PRKN: variants seen among roughly 807,000 people sequenced by gnomAD.
PRKN encodes the protein E3 ubiquitin-protein ligase parkin.
A neutral mutation model predicts 59.5 loss-of-function variants in PRKN; 56 were observed. The observed-to-expected ratio is 0.94, with a 90% CI of 0.76 to 1.18. PRKN has a LOEUF of 1.18. PRKN is among the 50% of genes most tolerant of loss of function. The probability of loss-of-function intolerance (pLI) is 0.00; values close to 1 mark genes in which losing one functional copy is unlikely to be tolerated. For missense variants in PRKN, 657 were observed against 596.4 expected, an observed-to-expected ratio of 1.10 and a Z score of -1.06; for synonymous variants, 250 against 222.1, an observed-to-expected ratio of 1.13 and a Z score of -1.12.
rs1784682140 is a variant in PRKN at position 161,354,603 on chromosome 6, T to TA, written c.1286-4393dup. 6.6e-6 allele frequency among the ~76,000 whole-genome samples: 1 copy of TA among 152,104 alleles called. No homozygotes were observed. Among genetic ancestry groups the TA allele is most frequent in the Non-Finnish European group, 1.5e-5 (1 of 68,034 alleles). ...AAAGTACCAGGGTTTAGCCTGTGCT[T>TA]AAAATGGAAATTCCTCGCATTCTCA... On this transcript the variant is annotated intron_variant, in intron 11 of 11. Transcript: ENST00000366898. This position sits in a 1 kb window ranked among gnomAD's most constrained non-coding sequence, Gnocchi z 6.7.
At chr6:161,381,623 T>C (rs995108694) in intron 10 of PRKN, among the ~76,000 whole-genome samples, 1 of 152,166 alleles carries the variant, frequency 6.6e-6, no homozygotes, top group African/African-American at 2.4e-5. Context: ...ATTCAAAAGA[T>C]TACTGAGACA....
rs1165510528 is a variant in PRKN, at chr6:161,529,058, A to G, written c.1083+19796T>C. The stretch of plus-strand genomic sequence containing the variant: ...TCTTGTTTGAATATCTTAATTTAGG[A>G]GTCTGCTACTTAAAACAGCTGTCTT... On this transcript the variant is annotated intron_variant, in intron 9 of 11. Coordinates refer to ENST00000366898, the MANE Select transcript of PRKN (RefSeq NM_004562.3). The surrounding 1 kb of genome is among the most constrained non-coding windows in gnomAD (Gnocchi z 4.4). Among the ~76,000 whole-genome samples the G allele has an allele frequency of 6.6e-6, 1 of 152,156 alleles. No homozygotes were observed. The highest frequency in any genetic ancestry group is 1.5e-5 in the Non-Finnish European group (1 of 68,012).
In PRKN at chr6:161,587,049, T is replaced by C. The variant is rs540063856; in HGVS notation, c.872-17633A>G. Among the ~76,000 whole-genome samples the C allele has an allele frequency of 2.6e-5, 4 of 152,328 alleles. No homozygotes were observed. In the South Asian group the frequency reaches 8.3e-4, roughly 32 times the overall value. ...TTACCGCTATTGAGGGGCCTTAAAA[T>C]AGCTCTGCTATCAGAACTCACTAAT... On this transcript the variant is annotated intron_variant, in intron 7 of 11. Transcript: ENST00000366898.
intron 7 of PRKN, among the ~76,000 whole-genome samples, chr6:161,587,789 C>T (rs539322286): frequency 9.2e-5 from 14 of 152,200 alleles, no homozygotes; most frequent in South Asian, 2.1e-4. Flanking sequence ...TTTTATTCCT[C>T]TCATTCTTGT....
At chr6:162,494,976 C>T (rs372732467) in intron 1 of PRKN, among the ~76,000 whole-genome samples, 22 of 149,440 alleles carry the variant, frequency 1.5e-4, no homozygotes, top group East Asian at 5.8e-4. Context: ...CCAAAAAGAA[C>T]GATACCAAAC....
intron 1 of PRKN, among the ~76,000 whole-genome samples, chr6:162,586,906 C>T (rs892359997): frequency 4.6e-5 from 7 of 152,086 alleles, no homozygotes; most frequent in Non-Finnish European, 5.9e-5. Flanking sequence ...CTTACATGCC[C>T]GTGATAGGCA....
At chr6:162,337,687 C>T (rs1239676734) in intron 2 of PRKN, among the ~76,000 whole-genome samples, 2 of 152,166 alleles carry the variant, frequency 1.3e-5, no homozygotes, top group Middle Eastern at 3.2e-3. Flanking sequence ...TCCTCCTTGG[C>T]CCCATACGGG....
At chr6:162,030,660 G>C (rs543370661) in intron 5 of PRKN, among the ~76,000 whole-genome samples, 1 of 152,294 alleles carries the variant, frequency 6.6e-6, no homozygotes, top group South Asian at 2.1e-4. Flanking sequence ...CTCTGAGTCT[G>C]AGAATCATTG....
chr6:162,257,342 T>A lies in PRKN; in HGVS notation c.412+5183A>T, dbSNP rs567633463. 6.6e-4 allele frequency among the ~76,000 whole-genome samples: 100 copies of A among 152,192 alleles called. 1 individual carries two copies. The highest frequency in any genetic ancestry group is 2.0e-3 in the African/African-American group (82 of 41,530). On this transcript the variant is annotated intron_variant, in intron 3 of 11. Transcript: ENST00000366898. ...AAAGCAAAAAATTCTGAAAAAGTAG[T>A]ATACCTTGTGATATAGTTTTAAAAT... is the stretch of plus-strand genomic sequence containing the variant.
intron 6 of PRKN, among the ~76,000 whole-genome samples, chr6:161,952,377 G>T (rs1024762173): frequency 6.6e-6 from 1 of 152,134 alleles, no homozygotes; most frequent in Non-Finnish European, 1.5e-5. Flanking sequence ...CAGCACTTTG[G>T]GAAGCCAAGG....
chr6:162,097,325 T>C (rs555487779), intron 4 of PRKN, among the ~76,000 whole-genome samples: 19 of 152,338 alleles, frequency 1.2e-4, no homozygotes, highest in African/African-American at 4.1e-4. Flanking sequence ...ATTATGTGTC[T>C]TGTGTTCAAG....
intron 6 of PRKN, among the ~76,000 whole-genome samples, chr6:161,897,911 G>A (rs1406622497): frequency 8.8e-5 from 11 of 125,056 alleles, no homozygotes; most frequent in Admixed American, 9.6e-5. Flanking sequence ...AGCTTGCAGT[G>A]AGCTGAGATC....
Position 162,142,774 on chromosome 6 carries a change from T to C in PRKN, c.534+58357A>G, listed in dbSNP as rs541061566. Among the ~76,000 whole-genome samples, 11 of 152,332 alleles carry C rather than the reference T, an allele frequency of 7.2e-5. 1 individual carries two copies. The highest frequency in any genetic ancestry group is 7.2e-4 in the Admixed American group (11 of 15,298). On this transcript the variant is annotated intron_variant, in intron 4 of 11. Transcript: ENST00000366898. The stretch of plus-strand genomic sequence containing the variant: ...CATGCTGAGCACTTTACATTATTAA[T>C]TCATTTTATCCGCTAACAACCATGT...
chr6:162,251,477 C>G (rs1377977357), intron 3 of PRKN, among the ~76,000 whole-genome samples: 1 of 152,150 alleles, frequency 6.6e-6, no homozygotes, highest in Non-Finnish European at 1.5e-5. Context: ...GAGTTACAGT[C>G]TCCAAGCAGC....
At chr6:161,489,257 A>T (rs527773674) in intron 9 of PRKN, among the ~76,000 whole-genome samples, 1 of 151,772 alleles carries the variant, frequency 6.6e-6, no homozygotes, top group East Asian at 1.9e-4. Context: ...GGGCAATATA[A>T]TCATAAAAAT....
intron 3 of PRKN, among the ~76,000 whole-genome samples, chr6:162,209,468 C>G (rs7740230): frequency 0.74 from 112,819 of 152,018 alleles, 42,039 homozygotes; most frequent in East Asian, 0.85. Flanking sequence ...ATGCTGGAGA[C>G]GATGTGGAGA....
chr6:162,184,567 G>C (rs1328779578), intron 4 of PRKN, among the ~76,000 whole-genome samples: 1 of 152,106 alleles, frequency 6.6e-6, no homozygotes, highest in Admixed American at 6.6e-5. Context: ...CTGTGTAGAA[G>C]GACATGTTGC....
At chr6:162,101,103 T>C (rs1438094193) in intron 4 of PRKN, among the ~76,000 whole-genome samples, 1 of 152,088 alleles carries the variant, frequency 6.6e-6, no homozygotes, top group Non-Finnish European at 1.5e-5. Context: ...CCACCTATTT[T>C]CCCTTTTGTT....
At chr6:162,282,742 A>G (rs1445742724) in intron 2 of PRKN, among the ~76,000 whole-genome samples, 1 of 152,212 alleles carries the variant, frequency 6.6e-6, no homozygotes, top group Non-Finnish European at 1.5e-5. Context: ...CACTATTATT[A>G]TTAGCCCATT....
Sources: allele counts gnomAD v4.1 joint callset (sites outside exome capture counted in the v4.1 genomes callset), GRCh38; gene constraint gnomAD v4.1.1; non-coding constraint Gnocchi (gnomAD v3.1); transcripts MANE v1.5; gene names NCBI Gene and HGNC (gene_info 2026-07-23, HGNC 2026-07-21).